The following GREB1L variants were observed in gnomAD, a reference collection of about 807,000 sequenced individuals.
GREB1L encodes the protein GREB1 like retinoic acid receptor coactivator, also known as GREB1-like protein.
In GREB1L, 17 loss-of-function variants were observed where a neutral mutation model predicts 200.8. That is an observed-to-expected ratio of 0.08 (90% CI 0.06 to 0.13). GREB1L has a LOEUF of 0.13. Ranked by LOEUF, GREB1L falls within the 10% of genes least tolerant of loss-of-function variation. The pLI, the probability that GREB1L is intolerant of heterozygous loss-of-function variation, is 1.00. For missense variants in GREB1L, 1,657 were observed against 2,367.7 expected (o/e 0.70, Z 6.23); for synonymous variants, 789 against 893.0 (o/e 0.88, Z 2.08).
At chr18:21,432,078 G>A (rs1286536884) in intron 7 of GREB1L, among the ~76,000 whole-genome samples, 2 of 151,402 alleles carry the variant, frequency 1.3e-5, no homozygotes, top group South Asian at 2.1e-4. Context: ...GCCTGCCACC[G>A]CGTCCGGCTA....
In GREB1L at chr18:21,320,656, C is replaced by G. The variant is rs139474558; in HGVS notation, c.-119-45371C>G. Reference sequence around the variant, plus strand: ...TGGTGGGTGCATGTAGTCCCAGCTACTCAAGAGGCTGAGGCAGGAGAATGG... The same window carrying G: ...TGGTGGGTGCATGTAGTCCCAGCTAGTCAAGAGGCTGAGGCAGGAGAATGG... On this transcript the variant is annotated intron_variant, in intron 1 of 32. Coordinates refer to ENST00000424526, the MANE Select transcript of GREB1L (RefSeq NM_001142966.3). Among the ~76,000 whole-genome samples, 1,084 of 152,014 alleles carry G rather than the reference C, an allele frequency of 7.1e-3. 7 individuals are homozygous for G. The highest frequency in any genetic ancestry group is 0.011 in the Non-Finnish European group (725 of 67,994).
chr18:21,382,576 C>G (rs2040365727), intron 2 of GREB1L, among the ~76,000 whole-genome samples: 1 of 150,972 alleles, frequency 6.6e-6, no homozygotes, highest in Non-Finnish European at 1.5e-5. Context: ...ACTGCAACCT[C>G]CGCCTCCCGG....
chr18:21,452,704 C>T (rs1165356964), intron 14 of GREB1L, among the ~76,000 whole-genome samples: 1 of 152,182 alleles, frequency 6.6e-6, no homozygotes, highest in African/African-American at 2.4e-5. Context: ...CAACAAGCTT[C>T]AGGGGCTCAA....
chr18:21,403,810 C>T, intron 6 of GREB1L, 62 bp from the exon 7 acceptor site: 1 of 1,405,958 alleles, frequency 7.1e-7, no homozygotes, highest in Non-Finnish European at 9.8e-7. Context: ...GATTGCGTCC[C>T]CATCACCTGT....
At chr18:21,490,487 A>G in intron 19 of GREB1L, 136 bp downstream of exon 19, 1 of 728,030 alleles carries the variant, frequency 1.4e-6, no homozygotes, top group Admixed American at 2.9e-5. Flanking sequence ...GGCTAAATTA[A>G]GGGACATATT....
At chr18:21,320,964 C>T (rs1374737471) in intron 1 of GREB1L, among the ~76,000 whole-genome samples, 3 of 151,972 alleles carry the variant, frequency 2.0e-5, no homozygotes, top group African/African-American at 7.2e-5. Flanking sequence ...AACTACTGTT[C>T]CTAAATAAGA....
chr18:21,394,973 G>A (rs866313699), intron 4 of GREB1L, among the ~76,000 whole-genome samples: 2 of 148,186 alleles, frequency 1.3e-5, no homozygotes, highest in African/African-American at 2.5e-5. Context: ...GTGTGGTGGC[G>A]CACACGCCTG....
At chr18:21,307,591 T>G (rs2038720906) in intron 1 of GREB1L, among the ~76,000 whole-genome samples, 1 of 152,130 alleles carries the variant, frequency 6.6e-6, no homozygotes, top group South Asian at 2.1e-4. Context: ...GGATGGTGAT[T>G]ACTGTGTTGA....
In GREB1L at chr18:21,380,937, A is replaced by G. The variant is rs567487091; in HGVS notation, c.-9-2573A>G. Among the ~76,000 whole-genome samples, 45 of 151,748 alleles carry G rather than the reference A, an allele frequency of 3.0e-4. 1 individual carries two copies. Among genetic ancestry groups the G allele is most frequent in the Middle Eastern group, 6.8e-3 (2 of 294 alleles). On this transcript the variant is annotated intron_variant, in intron 2 of 32. Transcript: ENST00000424526. ...AAGATGGTGAAACCCCGTCTCTACT[A>G]AAAATACAATAATTAGCCAGGCACG...
chr18:21,312,034 A>C (rs181501731), intron 1 of GREB1L, among the ~76,000 whole-genome samples: 1 of 152,074 alleles, frequency 6.6e-6, no homozygotes, highest in East Asian at 1.9e-4. Context: ...CTTTGTGTCC[A>C]TGAGTTCTCA....
chr18:21,454,872 C>A (rs554570353), intron 15 of GREB1L: 220 of 383,550 alleles, frequency 5.7e-4, no homozygotes, highest in African/African-American at 4.4e-3. Flanking sequence ...GCGAGGATGG[C>A]CCTGCATGGG....
intron 1 of GREB1L, among the ~76,000 whole-genome samples, chr18:21,298,762 C>T (rs1424981536): frequency 2.0e-5 from 3 of 151,854 alleles, no homozygotes; most frequent in Non-Finnish European, 4.4e-5. Flanking sequence ...AGTGAGACCT[C>T]GTCTCTATGC....
intron 27 of GREB1L, among the ~76,000 whole-genome samples, chr18:21,511,141 G>A (rs529045768): frequency 1.8e-3 from 271 of 152,216 alleles, no homozygotes; most frequent in African/African-American, 6.0e-3. Context: ...CTGGGAGGCC[G>A]AGGCGGGCAG....
intron 1 of GREB1L, among the ~76,000 whole-genome samples, chr18:21,259,838 A>G (rs1412780022): frequency 2.6e-5 from 4 of 152,018 alleles, no homozygotes; most frequent in Non-Finnish European, 5.9e-5. Flanking sequence ...TAAGGTACCT[A>G]TAAATAATAC....
intron 19 of GREB1L, among the ~76,000 whole-genome samples, chr18:21,491,221 G>A (rs1261546573): frequency 1.3e-5 from 2 of 152,086 alleles, no homozygotes; most frequent in Non-Finnish European, 1.5e-5. Context: ...TTGTTTCTGC[G>A]CCCTATACAT....
intron 1 of GREB1L, among the ~76,000 whole-genome samples, chr18:21,312,971 T>C (rs1182296554): frequency 6.6e-6 from 1 of 152,142 alleles, no homozygotes; most frequent in Non-Finnish European, 1.5e-5. Flanking sequence ...ATGTATGTCT[T>C]CTTTTCAAAA....
At chr18:21,454,626 T>C in intron 15 of GREB1L, 63 bp downstream of exon 15, 2 of 1,252,358 alleles carry the variant, frequency 1.6e-6, no homozygotes, top group Non-Finnish European at 2.3e-6. Context: ...TCTGCCTCTT[T>C]CTTTTGCTTA....
intron 1 of GREB1L, among the ~76,000 whole-genome samples, chr18:21,255,961 C>T (rs1346790539): frequency 6.6e-6 from 1 of 152,116 alleles, no homozygotes; most frequent in Non-Finnish European, 1.5e-5. Flanking sequence ...AATCATAATA[C>T]TGTCTGCAAT....
chr18:21,495,258 A>G (rs1251932888), intron 19 of GREB1L, among the ~76,000 whole-genome samples: 1 of 152,216 alleles, frequency 6.6e-6, no homozygotes, highest in Non-Finnish European at 1.5e-5. Flanking sequence ...TTTTTGAGTC[A>G]TTCACAACTG....
Sources: allele counts gnomAD v4.1 joint callset (sites outside exome capture counted in the v4.1 genomes callset), GRCh38; gene constraint gnomAD v4.1.1; transcripts MANE v1.5; gene names NCBI Gene and HGNC (gene_info 2026-07-23, HGNC 2026-07-21).